Variants in DPP6 observed in about 807,000 individuals in gnomAD.
The protein encoded by DPP6 is dipeptidyl peptidase like 6, also known as A-type potassium channel modulatory protein DPP6.
A neutral mutation model predicts 122.6 loss-of-function variants in DPP6; 69 were observed. The observed-to-expected ratio is 0.56, with a 90% CI of 0.46 to 0.69. The LOEUF (loss-of-function observed/expected upper bound fraction) is 0.69, where lower values mean the gene tolerates loss of function less well. Among genes scored for constraint, DPP6 ranks in the 30% least tolerant of loss-of-function variants. The pLI, the probability that DPP6 is intolerant of heterozygous loss-of-function variation, is 0.00. For missense variants in DPP6, 928 were observed against 1,116.9 expected (o/e 0.83, Z 2.41); for synonymous variants, 418 against 433.1 (o/e 0.97, Z 0.43).
chr7:154,706,497 C>A (rs1013245324), intron 7 of DPP6, among the ~76,000 whole-genome samples: 1 of 152,136 alleles, frequency 6.6e-6, no homozygotes, highest in African/African-American at 2.4e-5. Flanking sequence ...TCCTAGTCAG[C>A]CCCTGGAGGC....
At chr7:154,360,959 A>G (rs1396826772) in intron 1 of DPP6, among the ~76,000 whole-genome samples, 1 of 152,184 alleles carries the variant, frequency 6.6e-6, no homozygotes, top group East Asian at 1.9e-4. Flanking sequence ...GAGATTCTGT[A>G]TAATCAGATG....
chr7:154,464,255 C>A (rs1327923731), intron 2 of DPP6, among the ~76,000 whole-genome samples: 1 of 152,168 alleles, frequency 6.6e-6, no homozygotes, highest in Non-Finnish European at 1.5e-5. Context: ...AGTTTCAATG[C>A]AAAGTCCCAC....
At chr7:154,727,322 C>T (rs972343898) in intron 7 of DPP6, among the ~76,000 whole-genome samples, 1 of 152,144 alleles carries the variant, frequency 6.6e-6, no homozygotes, top group African/African-American at 2.4e-5. Flanking sequence ...GAGGGCTACA[C>T]ACTTTTAAAC....
chr7:154,156,335 C>T (rs3115177), intron 1 of DPP6, among the ~76,000 whole-genome samples: 8 of 151,046 alleles, frequency 5.3e-5, no homozygotes, highest in African/African-American at 2.4e-5. Context: ...AAACAGGAGT[C>T]CTGAAAAAAG....
intron 4 of DPP6, among the ~76,000 whole-genome samples, chr7:154,557,975 T>C (rs539897158): frequency 6.6e-6 from 1 of 152,182 alleles, no homozygotes; most frequent in Non-Finnish European, 1.5e-5. Context: ...TACTTTAAGT[T>C]CTGGGGTACA....
chr7:154,806,432 C>A (rs1798702272), intron 15 of DPP6, among the ~76,000 whole-genome samples: 1 of 152,222 alleles, frequency 6.6e-6, no homozygotes, highest in South Asian at 2.1e-4. Context: ...CCAGTTCCCA[C>A]TTGTGTAGCT....
At chr7:154,286,848 C>G (rs117844665) in intron 1 of DPP6, among the ~76,000 whole-genome samples, 14,863 of 151,558 alleles carry the variant, frequency 0.098, 896 homozygotes, top group East Asian at 0.21. Flanking sequence ...CTCTGTCACC[C>G]AGGCTGAAGT....
At chr7:154,668,283 T>A (rs1838324534) in intron 6 of DPP6, among the ~76,000 whole-genome samples, 1 of 139,058 alleles carries the variant, frequency 7.2e-6, no homozygotes. Context: ...TGTAGTGGCA[T>A]GATCTCCGCT....
intron 5 of DPP6, among the ~76,000 whole-genome samples, chr7:154,574,539 G>GT (rs1831363046): frequency 7.2e-6 from 1 of 138,182 alleles, no homozygotes; most frequent in Non-Finnish European, 1.6e-5. Context: ...TGGTGTGTAT[G>GT]GTGTGGTGTG....
rs956123885 is a variant in DPP6, at chr7:153,978,000, G to A, written c.51+90266G>A. Among the ~76,000 whole-genome samples, 224 of 152,202 alleles carry A rather than the reference G, an allele frequency of 1.5e-3. 3 individuals carry two copies. Among genetic ancestry groups the A allele is most frequent in the South Asian group, 2.3e-3 (11 of 4,820 alleles). On this transcript the variant is annotated intron_variant, in intron 1 of 25. Transcript: ENST00000404039. ...CCAAGTCTTTGCTATTGTGAATAGT[G>A]CCACAATAAATATACGTGTGCATGT...
intron 3 of DPP6, among the ~76,000 whole-genome samples, chr7:154,510,337 T>G (rs561369115): frequency 6.6e-6 from 1 of 152,200 alleles, no homozygotes; most frequent in South Asian, 2.1e-4. Context: ...TATATACAAA[T>G]GGAGCTAACC....
At chr7:154,368,762 A>G (rs926196068) in intron 1 of DPP6, among the ~76,000 whole-genome samples, 1 of 152,334 alleles carries the variant, frequency 6.6e-6, no homozygotes, top group Middle Eastern at 3.4e-3. Context: ...ATTTTCCCAA[A>G]GTAGATGATT....
At chr7:154,434,538 A>G (rs1818704334) in intron 1 of DPP6, among the ~76,000 whole-genome samples, 1 of 152,030 alleles carries the variant, frequency 6.6e-6, no homozygotes. Context: ...CTCCCAGTCC[A>G]TCATGGTAAA....
intron 1 of DPP6, among the ~76,000 whole-genome samples, chr7:153,958,401 C>T (rs1026855056): frequency 3.3e-5 from 5 of 152,186 alleles, no homozygotes; most frequent in Admixed American, 1.3e-4. Context: ...GGAGCTGTTG[C>T]GGTTCTAACA....
intron 17 of DPP6, among the ~76,000 whole-genome samples, chr7:154,859,901 A>G (rs1243359227): frequency 6.6e-6 from 1 of 152,180 alleles, no homozygotes; most frequent in Non-Finnish European, 1.5e-5. Flanking sequence ...ACAGCCATGC[A>G]GAGAAAGCGT....
chr7:154,514,176 T>C (rs1826308806), intron 3 of DPP6, among the ~76,000 whole-genome samples: 1 of 152,028 alleles, frequency 6.6e-6, no homozygotes, highest in African/African-American at 2.4e-5. Context: ...CTTGGGAGGC[T>C]GAGGCAGGAA....
chr7:154,712,632 C>T (rs1439979924), intron 7 of DPP6, among the ~76,000 whole-genome samples: 1 of 152,124 alleles, frequency 6.6e-6, no homozygotes, highest in East Asian at 1.9e-4. Context: ...GAATGAATGC[C>T]CAGCAAAGGG....
At chr7:154,853,319 C>T (rs1358154306) in intron 16 of DPP6, among the ~76,000 whole-genome samples, 1 of 152,046 alleles carries the variant, frequency 6.6e-6, no homozygotes, top group Non-Finnish European at 1.5e-5. Context: ...ATTCCTGTTA[C>T]ATGAATACGT....
intron 1 of DPP6, among the ~76,000 whole-genome samples, chr7:153,971,544 T>C (rs1796014909): frequency 7.3e-6 from 1 of 136,512 alleles, no homozygotes; most frequent in African/African-American, 2.6e-5. Context: ...ATCCATTCAG[T>C]ATGTTACTTG....
Sources: allele counts gnomAD v4.1 joint callset (sites outside exome capture counted in the v4.1 genomes callset), GRCh38; gene constraint gnomAD v4.1.1; transcripts MANE v1.5; gene names NCBI Gene and HGNC (gene_info 2026-07-23, HGNC 2026-07-21).